Variants in C17orf75 observed in about 807,000 individuals in gnomAD.
C17orf75 encodes protein Njmu-R1.
In C17orf75, 32 loss-of-function variants were observed where a neutral mutation model predicts 49.6. The ratio of observed to expected loss-of-function variants is 0.65; its 90% confidence interval spans 0.49 to 0.87. The LOEUF is 0.87. Among genes scored for constraint, C17orf75 ranks in the 40% least tolerant of loss-of-function variants. C17orf75 has a pLI of 0.00. For missense variants in C17orf75, 428 were observed against 473.9 expected (o/e 0.90, Z 0.90); for synonymous variants, 158 against 159.5 (o/e 0.99, Z 0.07).
At chr17:32,337,116 C>T (rs1400043367) in intron 5 of C17orf75, among the ~76,000 whole-genome samples, 1 of 151,842 alleles carries the variant, frequency 6.6e-6, no homozygotes, top group Non-Finnish European at 1.5e-5. Flanking sequence ...CACTGCACTC[C>T]AGCCTGGGTG....
intron 9 of C17orf75, among the ~76,000 whole-genome samples, chr17:32,332,182 G>A (rs1450094218): frequency 2.0e-5 from 3 of 151,958 alleles, no homozygotes; most frequent in Non-Finnish European, 2.9e-5. Flanking sequence ...CGCTCTTGTT[G>A]CCCAGGCTGA....
intron 5 of C17orf75, among the ~76,000 whole-genome samples, chr17:32,336,740 G>A (rs957110837): frequency 1.3e-5 from 2 of 152,086 alleles, no homozygotes; most frequent in East Asian, 3.9e-4. Flanking sequence ...TCCTCGCCAG[G>A]CATGTTACTA....
In C17orf75 at chr17:32,330,772, A is replaced by G. The variant is rs1263591116; in HGVS notation, c.*991T>C. On this transcript the variant is annotated 3_prime_UTR_variant, in exon 10 of 10. Transcript: ENST00000577809. Reference sequence around the variant, plus strand: ...AGCATTTTCACCTAAAAGAAAACACAGGCTCTTCATAAATACCTGTGAACA... The same window carrying G: ...AGCATTTTCACCTAAAAGAAAACACGGGCTCTTCATAAATACCTGTGAACA... 1 of 152,228 alleles carries G rather than the reference A, an allele frequency of 6.6e-6. No homozygotes were observed. The highest frequency in any genetic ancestry group is 1.5e-5 in the Non-Finnish European group (1 of 68,040). 9.4% of individuals were successfully genotyped at this position (152,228 alleles called of 1,614,324 possible). A position where few individuals can be genotyped will look rare whatever the true frequency, so the allele number is the denominator to read the frequency against.
At chr17:32,341,874 G>A (rs2041383137) in intron 1 of C17orf75, 126 bp downstream of exon 1, 2 of 1,088,168 alleles carry the variant, frequency 1.8e-6, no homozygotes, top group Non-Finnish European at 2.2e-6. Flanking sequence ...TTGGCTGGGA[G>A]AGGAGAAGAT....
rs1347873465 is a variant in C17orf75, at chr17:32,342,069, G to A, written c.71C>T (p.Ser24Leu). 2 of 1,578,358 alleles carry A rather than the reference G, an allele frequency of 1.3e-6. No homozygotes were observed. Among genetic ancestry groups the A allele is most frequent in the Non-Finnish European group, 8.6e-7 (1 of 1,164,202 alleles). ...KELESSEEGG[S>L]AEERRLEPPS... ...CGGCTCGAGTCTCCGCTCCTCGGCT[G>A]AGCCTCCCTCTTCGCTGCTCTCTAG... Residue 24 changes from serine (S) to leucine (L), a missense_variant, in exon 1 of 10, where the codon TCA becomes TTA. Physicochemically the swap from Ser to Leu is moderately radical, Grantham distance 145 (BLOSUM62 -2). Transcript: ENST00000577809.
upstream of C17orf75, among the ~76,000 whole-genome samples, chr17:32,344,915 AT>A (rs566036947): frequency 2.3e-3 from 351 of 152,068 alleles, no homozygotes; most frequent in African/African-American, 7.5e-3. Context: ...TCAAAAAAAA[AT>A]AAATAAAAAT....
chr17:32,334,500 G>C lies in C17orf75; in HGVS notation c.840C>G (p.Cys280Trp), dbSNP rs766693751. The C allele has an allele frequency of 6.2e-7, 1 of 1,612,304 alleles. No homozygotes were observed. Among genetic ancestry groups the C allele is most frequent in the African/African-American group, 1.3e-5 (1 of 75,034 alleles). Residue 280 changes from cysteine to tryptophan, a missense_variant, in exon 8 of 10, where the codon TGC becomes TGG. Coordinates refer to ENST00000577809, the MANE Select transcript of C17orf75 (RefSeq NM_022344.4). Reference sequence around the variant, plus strand: ...TGCAGAACTGAGGCTGGGAGCTGCTGCAATCGATGACCACAGACTTATGCT... The same window carrying C: ...TGCAGAACTGAGGCTGGGAGCTGCTCCAATCGATGACCACAGACTTATGCT... ...EEQHKSVVID[C>W]SSSQPQFCNA...
In C17orf75 at chr17:32,342,164, T is replaced by G; in HGVS notation, c.-25A>C. The G allele has an allele frequency of 1.3e-6, 2 of 1,560,196 alleles. No individual in the cohort carries two copies. Among genetic ancestry groups the G allele is most frequent in the Non-Finnish European group, 1.7e-6 (2 of 1,154,038 alleles). ...TTGCGGCGGCCTCTGAGCGGCCCTG[T>G]GTCTCCGCCAAACCGCTCCCCTGCT... is the stretch of plus-strand genomic sequence containing the variant. On this transcript the variant is annotated 5_prime_UTR_variant, in exon 1 of 10. Coordinates refer to ENST00000577809, the MANE Select transcript of C17orf75 (RefSeq NM_022344.4).
In C17orf75 at chr17:32,333,557, T is replaced by A. The variant is rs755053651; in HGVS notation, c.872-37A>T. The A allele has an allele frequency of 4.0e-6, 6 of 1,513,054 alleles. No homozygotes were observed. The Middle Eastern group carries it at 6.9e-4, about 175-fold the overall frequency. 93.7% of individuals were successfully genotyped at this position (1,513,054 alleles called of 1,614,324 possible). A position where few individuals can be genotyped will look rare whatever the true frequency, so the allele number is the denominator to read the frequency against. On this transcript the variant is annotated intron_variant, in intron 8 of 9. Transcript: ENST00000577809. ...TTCAGAGAGACTAAATAAAATGAAA[T>A]TTTACAAAGCTTTATTTATTTATTT...
At position 32,334,613 on chromosome 17, in the gene C17orf75, A is replaced by G. The variant is rs747676283; in HGVS notation, c.735-8T>C. ...CTGGCCACACTCAGAAACCTGCCACACACACAAGTCCATTTCCACAAACAA... is the reference window on the plus strand; with the variant it reads ...CTGGCCACACTCAGAAACCTGCCACGCACACAAGTCCATTTCCACAAACAA... On this transcript the variant is annotated splice_region_variant and splice_polypyrimidine_tract_variant and intron_variant, in intron 7 of 9. Transcript: ENST00000577809. The G allele has an allele frequency of 6.2e-7, 1 of 1,611,024 alleles. No individual in the cohort carries two copies. The highest frequency in any genetic ancestry group is 8.5e-7 in the Non-Finnish European group (1 of 1,179,158).
intron 6 of C17orf75, among the ~76,000 whole-genome samples, chr17:32,335,050 GT>G (rs537289521): frequency 2.3e-4 from 35 of 152,168 alleles, no homozygotes; most frequent in Non-Finnish European, 4.1e-4. Context: ...TTTTCAAATT[GT>G]TTTGGAAACT....
chr17:32,333,385 A>C, intron 9 of C17orf75, 32 bp downstream of exon 9: 1 of 1,506,544 alleles, frequency 6.6e-7, no homozygotes, highest in South Asian at 1.2e-5. Flanking sequence ...CAAAAATTTC[A>C]TGTGGCACTT....
intron 6 of C17orf75, 108 bp from the exon 7 acceptor site, chr17:32,334,947 G>C (rs1481896242): frequency 5.0e-5 from 42 of 845,816 alleles, no homozygotes; most frequent in Non-Finnish European, 6.8e-5. Flanking sequence ...GACAACAATT[G>C]ATGGGCACTG....
upstream of C17orf75, among the ~76,000 whole-genome samples, chr17:32,346,641 C>T (rs1006178298): frequency 5.3e-5 from 8 of 152,032 alleles, no homozygotes; most frequent in Admixed American, 1.3e-4. Context: ...GGCACGATCT[C>T]GGCTCACTGC....
chr17:32,349,810 T>C (rs2041467130), intron 1 of C17orf75: 1 of 591,382 alleles, frequency 1.7e-6, no homozygotes, highest in Non-Finnish European at 2.2e-6. Flanking sequence ...ATAATCAACA[T>C]TTACTGTTCA....
Position 32,339,918 on chromosome 17 carries a change from T to C in C17orf75, c.242A>G (p.Asn81Ser). 1 of 1,613,980 alleles carries C rather than the reference T, an allele frequency of 6.2e-7. No individual in the cohort carries two copies. The highest frequency in any genetic ancestry group is 1.1e-5 in the South Asian group (1 of 91,084). The change falls in exon 3 of 10, where the codon AAT becomes AGT. Residue 81 changes from asparagine to serine, a missense_variant. By Grantham distance (46) the Asn-to-Ser change is conservative. Coordinates refer to ENST00000577809, the MANE Select transcript of C17orf75 (RefSeq NM_022344.4). ...CTCTGGCTCCACTTCGGATGGTAGA[T>C]TAGTATCTGCCAAGGAGAGGCTTGA... ...DDFSLSLADT[N>S]LPSEVEPELR...
intron 3 of C17orf75, among the ~76,000 whole-genome samples, chr17:32,339,408 T>TAA (rs574223196): frequency 9.6e-5 from 11 of 114,844 alleles, no homozygotes; most frequent in Admixed American, 2.7e-4. Flanking sequence ...ACCCCATTTC[T>TAA]AAAAAAAAAA....
intron 1 of C17orf75, among the ~76,000 whole-genome samples, chr17:32,349,166 G>A (rs1011832034): frequency 2.0e-5 from 3 of 151,942 alleles, no homozygotes; most frequent in Non-Finnish European, 4.4e-5. Context: ...ACCGCGCCCG[G>A]CTATCAGCTC....
chr17:32,338,491 C>G (rs1055020571), intron 3 of C17orf75, 140 bp from the exon 4 acceptor site: 1 of 802,478 alleles, frequency 1.2e-6, no homozygotes, highest in Non-Finnish European at 1.9e-6. Context: ...CCAGACTTCT[C>G]GTTGGTGTAC....
Sources: gnomAD v4.1 joint callset for allele counts (sites outside exome capture counted in the v4.1 genomes callset) on GRCh38, gnomAD v4.1.1 for gene constraint, MANE v1.5 for transcripts, NCBI Gene and HGNC (gene_info 2026-07-23, HGNC 2026-07-21) for gene names.